The following SCHIP1 variants were observed in gnomAD, a reference collection of about 807,000 sequenced individuals.
SCHIP1 encodes the protein schwannomin-interacting protein 1.
A neutral mutation model predicts 29.7 loss-of-function variants in SCHIP1; 8 were observed. That is an observed-to-expected ratio of 0.27 (90% CI 0.16 to 0.49). SCHIP1 has a LOEUF of 0.49. Among genes scored for constraint, SCHIP1 ranks in the 20% least tolerant of loss-of-function variants. The pLI is 0.99. For missense variants in SCHIP1, 193 were observed against 294.6 expected (o/e 0.66, Z 2.52); for synonymous variants, 76 against 94.9 (o/e 0.80, Z 1.16).
chr3:159,576,777 C>T, the SCHIP1 span, among the ~76,000 whole-genome samples: 6 of 152,254 alleles, frequency 3.9e-5, no homozygotes, highest in East Asian at 9.7e-4. Context: ...CTTAGGTTTA[C>T]TAACCTTCTG....
chr3:159,347,382 C>T, the SCHIP1 span, among the ~76,000 whole-genome samples: 6 of 152,068 alleles, frequency 3.9e-5, no homozygotes, highest in South Asian at 2.1e-4. Context: ...ACTAGTATTC[C>T]GTGGATGTGT....
At chr3:159,389,936 AAAT>A in the SCHIP1 span, among the ~76,000 whole-genome samples, 363 of 152,212 alleles carry the variant, frequency 2.4e-3, no homozygotes, top group Non-Finnish European at 3.5e-3. Flanking sequence ...TACTCCATAT[AAAT>A]ACAATCGACT....
At chr3:159,402,908 G>A in the SCHIP1 span, among the ~76,000 whole-genome samples, 1 of 151,508 alleles carries the variant, frequency 6.6e-6, no homozygotes, top group South Asian at 2.1e-4. Context: ...TTGTGCACAG[G>A]TCCCCTAAAA....
the SCHIP1 span, among the ~76,000 whole-genome samples, chr3:159,325,071 T>C: frequency 6.6e-6 from 1 of 152,144 alleles, no homozygotes; most frequent in Non-Finnish European, 1.5e-5. Flanking sequence ...TTGAGTTTGG[T>C]AACTTCTTTA....
At chr3:159,864,311 A>G (rs1422119211) in intron 1 of SCHIP1, among the ~76,000 whole-genome samples, 1 of 152,136 alleles carries the variant, frequency 6.6e-6, no homozygotes, top group Middle Eastern at 3.2e-3. Flanking sequence ...TAGTGAAATA[A>G]AAGGCATTCT....
At chr3:159,507,791 C>G in the SCHIP1 span, among the ~76,000 whole-genome samples, 1 of 152,166 alleles carries the variant, frequency 6.6e-6, no homozygotes, top group African/African-American at 2.4e-5. Context: ...GTATGTTGAA[C>G]CAGCCTTGCA....
chr3:159,674,364 C>T, the SCHIP1 span, among the ~76,000 whole-genome samples: 1,087 of 152,082 alleles, frequency 7.1e-3, 10 homozygotes, highest in African/African-American at 0.025. Flanking sequence ...GAGGACTGGC[C>T]CAGTTACAGA....
the SCHIP1 span, among the ~76,000 whole-genome samples, chr3:159,785,883 A>G: frequency 4.3e-4 from 65 of 152,342 alleles, no homozygotes; most frequent in African/African-American, 1.5e-3. Context: ...TTTGGTTTAT[A>G]TGAAACAAAC....
the SCHIP1 span, among the ~76,000 whole-genome samples, chr3:159,506,074 A>G: frequency 6.6e-6 from 1 of 152,234 alleles, no homozygotes; most frequent in Non-Finnish European, 1.5e-5. Flanking sequence ...GAACTAGTGT[A>G]CAATCCCACC....
At chr3:159,823,851 A>G in the SCHIP1 span, among the ~76,000 whole-genome samples, 1 of 152,172 alleles carries the variant, frequency 6.6e-6, no homozygotes, top group East Asian at 1.9e-4. Flanking sequence ...TGTTTTAACA[A>G]TGGTTCCCCA....
the SCHIP1 span, among the ~76,000 whole-genome samples, chr3:159,344,009 CTTA>C: frequency 6.6e-6 from 1 of 152,240 alleles, no homozygotes; most frequent in South Asian, 2.1e-4. Flanking sequence ...AGATAGGTTA[CTTA>C]GTAACAAACA....
chr3:159,377,626 TCTC>T, the SCHIP1 span, among the ~76,000 whole-genome samples: 5 of 152,162 alleles, frequency 3.3e-5, no homozygotes. Context: ...GACAAATACT[TCTC>T]CTGGGGATTG....
the SCHIP1 span, chr3:159,764,761 A>G: frequency 6.4e-7 from 1 of 1,572,732 alleles, no homozygotes; most frequent in South Asian, 1.2e-5. This position sits in a 1 kb window ranked among gnomAD's most constrained non-coding sequence, Gnocchi z 6.1. Flanking sequence ...CGTAAGCGCC[A>G]GGACCCGCAG....
At chr3:159,558,189 T>C in the SCHIP1 span, among the ~76,000 whole-genome samples, 1 of 152,130 alleles carries the variant, frequency 6.6e-6, no homozygotes, top group South Asian at 2.1e-4. Flanking sequence ...AGAATAAAAC[T>C]GGAAGGTATA....
chr3:159,496,486 C>A, the SCHIP1 span, among the ~76,000 whole-genome samples: 1 of 151,998 alleles, frequency 6.6e-6, no homozygotes, highest in Non-Finnish European at 1.5e-5. Context: ...TTTATGCAGC[C>A]AAAAAACACA....
At chr3:159,355,686 C>T in the SCHIP1 span, among the ~76,000 whole-genome samples, 3 of 152,036 alleles carry the variant, frequency 2.0e-5, no homozygotes, top group East Asian at 5.8e-4. Context: ...TTTACCCCTT[C>T]ACCCCACCCC....
intron 1 of SCHIP1, among the ~76,000 whole-genome samples, chr3:159,858,023 CA>C (rs1401137067): frequency 6.6e-6 from 1 of 152,152 alleles, no homozygotes; most frequent in Non-Finnish European, 1.5e-5. Context: ...AGGTTGAGGA[CA>C]CCAGCTTCCT....
chr3:159,491,821 C>A, the SCHIP1 span, among the ~76,000 whole-genome samples: 1 of 152,228 alleles, frequency 6.6e-6, no homozygotes, highest in Non-Finnish European at 1.5e-5. Context: ...GGTCCCTGAC[C>A]CCAAGTAGCC....
At chr3:159,680,750 G>GTATATATATATATA in the SCHIP1 span, among the ~76,000 whole-genome samples, 22 of 106,620 alleles carry the variant, frequency 2.1e-4, 1 homozygote, top group East Asian at 3.7e-3. Flanking sequence ...TATAATATAT[G>GTATATATATATATA]CTTTGCCTCC....
Sources: allele counts gnomAD v4.1 joint callset (sites outside exome capture counted in the v4.1 genomes callset), GRCh38; gene constraint gnomAD v4.1.1; non-coding constraint Gnocchi (gnomAD v3.1); transcripts MANE v1.5; gene names NCBI Gene and HGNC (gene_info 2026-07-23, HGNC 2026-07-21).